Variants in CD58 observed in about 807,000 individuals in gnomAD.
CD58 encodes lymphocyte function-associated antigen 3.
In CD58, 14 loss-of-function variants were observed where a neutral mutation model predicts 27.6. The ratio of observed to expected loss-of-function variants is 0.51; its 90% CI spans 0.34 to 0.79. The LOEUF is 0.79. CD58 is among the 30% of genes least tolerant of loss of function. The pLI, the probability that CD58 is intolerant of heterozygous loss-of-function variation, is 0.02. For synonymous variants in CD58, 117 were observed against 103.8 expected, an observed-to-expected ratio of 1.13 and a Z score of -0.77; for missense variants, 268 against 301.7, an observed-to-expected ratio of 0.89 and a Z score of 0.83.
chr1:116,553,086 T>A (rs1658444163), intron 1 of CD58, among the ~76,000 whole-genome samples: 1 of 152,000 alleles, frequency 6.6e-6, no homozygotes, highest in African/African-American at 2.4e-5. Context: ...AATTTAAGCA[T>A]CTCTTCTGCT....
In CD58 at chr1:116,535,973, G is replaced by C; in HGVS notation, c.620C>G (p.Pro207Arg). 6.2e-7 allele frequency: 1 copy of C among 1,605,436 alleles called. No homozygotes were observed. Residue 207 changes from proline to arginine, a missense_variant, in exon 3 of 6, where the codon CCA becomes CGA. By Grantham distance (103) the Pro-to-Arg change is moderately radical. Coordinates refer to ENST00000369489, the MANE Select transcript of CD58 (RefSeq NM_001779.3). ...TTTAGTTATTTACTCACCGCTGCTTGGGATACAGGTTGTCAAAATGATTGA... is the reference window on the plus strand; with the variant it reads ...TTTAGTTATTTACTCACCGCTGCTTCGGATACAGGTTGTCAAAATGATTGA... ...TSSIILTTCI[P>R]SSGHSRHRYA...
At chr1:116,561,261 T>C (rs1367193974) in intron 1 of CD58, among the ~76,000 whole-genome samples, 1 of 152,144 alleles carries the variant, frequency 6.6e-6, no homozygotes, top group Non-Finnish European at 1.5e-5. Context: ...CAAAAAAACA[T>C]AGCAACGAAT....
At chr1:116,562,164 A>T (rs897198622) in intron 1 of CD58, among the ~76,000 whole-genome samples, 1 of 150,044 alleles carries the variant, frequency 6.7e-6, no homozygotes, top group Non-Finnish European at 1.5e-5. Context: ...CTTTACTATT[A>T]AAAAAAAACA....
Position 116,570,534 on chromosome 1 carries a change from G to A in CD58, c.70+369C>T, listed in dbSNP as rs2101245382. On this transcript the variant is annotated intron_variant, in intron 1 of 5. Transcript: ENST00000369489. This position sits in a 1 kb window ranked among gnomAD's most constrained non-coding sequence, Gnocchi z 6.4. ...CCGTCCCGGGCGCGTTCACGGCTGG[G>A]AAAAATTTTGCAGTCCGCTGAAGCG... Among the ~76,000 whole-genome samples the A allele has an allele frequency of 6.6e-6, 1 of 152,100 alleles. No individual in the cohort carries two copies. Among genetic ancestry groups the A allele is most frequent in the African/African-American group, 2.4e-5 (1 of 41,542 alleles).
intron 1 of CD58, among the ~76,000 whole-genome samples, chr1:116,568,948 G>A (rs955738974): frequency 1.3e-5 from 2 of 152,244 alleles, no homozygotes; most frequent in Non-Finnish European, 2.9e-5. Flanking sequence ...ATTCAGTCTT[G>A]TCTTTAGTTT....
In CD58 at chr1:116,524,423, C is replaced by T. The variant is rs1243624436; in HGVS notation, c.629-2440G>A. ...TTCTAGAACATTTCAATGGACAGAACCAGGAAATACACAATTTTCTAAGAG... is the reference window on the plus strand; with the variant it reads ...TTCTAGAACATTTCAATGGACAGAATCAGGAAATACACAATTTTCTAAGAG... On this transcript the variant is annotated intron_variant, in intron 3 of 5. Transcript: ENST00000369489. This position sits in a 1 kb window ranked among gnomAD's most constrained non-coding sequence, Gnocchi z 4.6. Among the ~76,000 whole-genome samples, 1 of 152,096 alleles carries T rather than the reference C, an allele frequency of 6.6e-6. No individual in the cohort carries two copies. Among genetic ancestry groups the T allele is most frequent in the East Asian group, 1.9e-4 (1 of 5,200 alleles).
Position 116,570,844 on chromosome 1 carries a change from C to G in CD58, c.70+59G>C. The G allele has an allele frequency of 7.2e-7, 1 of 1,398,222 alleles. No individual in the cohort carries two copies. The allele number at this position is 1,398,222 out of a possible 1,614,324, so 86.6% of individuals were successfully genotyped here. On this transcript the variant is annotated intron_variant, in intron 1 of 5. Coordinates refer to ENST00000369489, the MANE Select transcript of CD58 (RefSeq NM_001779.3). This position sits in a 1 kb window ranked among gnomAD's most constrained non-coding sequence, Gnocchi z 6.4. ...CTCGAGCCCGGCGCGTCCACCCAGC[C>G]TGGGTGCTGCCCAGTACCCGCCGGC...
At chr1:116,551,671 T>C (rs1261529559) in intron 1 of CD58, among the ~76,000 whole-genome samples, 1 of 152,150 alleles carries the variant, frequency 6.6e-6, no homozygotes, top group Non-Finnish European at 1.5e-5. Context: ...AATTCACAAC[T>C]TCACTAACTC....
intron 1 of CD58, among the ~76,000 whole-genome samples, chr1:116,562,187 GA>G (rs1234044154): frequency 2.6e-5 from 4 of 151,738 alleles, no homozygotes; most frequent in Non-Finnish European, 5.9e-5. Flanking sequence ...TCAATATAAG[GA>G]AAATTTTAAA....
chr1:116,553,755 T>C (rs1328160262), intron 1 of CD58, among the ~76,000 whole-genome samples: 1 of 152,204 alleles, frequency 6.6e-6, no homozygotes, highest in Non-Finnish European at 1.5e-5. Flanking sequence ...ACATTTCTAG[T>C]GGCTCCAATG....
chr1:116,522,603 C>G lies in CD58; in HGVS notation c.629-620G>C, dbSNP rs1657297395. Among the ~76,000 whole-genome samples the G allele has an allele frequency of 6.6e-6, 1 of 152,222 alleles. No individual in the cohort carries two copies. The highest frequency in any genetic ancestry group is 1.5e-5 in the Non-Finnish European group (1 of 68,044). On this transcript the variant is annotated intron_variant, in intron 3 of 5. Coordinates refer to ENST00000369489, the MANE Select transcript of CD58 (RefSeq NM_001779.3). The surrounding 1 kb of genome is among the most constrained non-coding windows in gnomAD (Gnocchi z 4.6). ...TTCCCCCAGGAACATTACTTCACTACTTGCTATTTCACTGTTAACTTGACT... is the reference window on the plus strand; with the variant it reads ...TTCCCCCAGGAACATTACTTCACTAGTTGCTATTTCACTGTTAACTTGACT...
rs1380283983 is a variant in CD58, at chr1:116,535,951, A to C, written c.628+14T>G. On this transcript the variant is annotated intron_variant, in intron 3 of 5. Transcript: ENST00000369489. ...GTCTGAAAGCCTCCATGACACATTT[A>C]GTTATTTACTCACCGCTGCTTGGGA... 1.3e-6 allele frequency: 2 copies of C among 1,582,996 alleles called. No homozygotes were observed. Among genetic ancestry groups the C allele is most frequent in the Non-Finnish European group, 1.7e-6 (2 of 1,161,262 alleles).
intron 2 of CD58, among the ~76,000 whole-genome samples, chr1:116,540,847 T>C (rs1164925838): frequency 6.6e-6 from 1 of 152,226 alleles, no homozygotes; most frequent in Non-Finnish European, 1.5e-5. Context: ...TCTTGGTCTG[T>C]CACCCAGACT....
chr1:116,531,858 C>G lies in CD58; in HGVS notation c.628+4107G>C, dbSNP rs1490753217. Among the ~76,000 whole-genome samples the G allele has an allele frequency of 2.6e-5, 4 of 152,218 alleles. No individual in the cohort carries two copies. The highest frequency in any genetic ancestry group is 5.9e-5 in the Non-Finnish European group (4 of 68,036). ...GTTCTAAGGTTAGGCTGAGCACTCT[C>G]TACAGGCCTGGTCAGCGCGGACAAG... On this transcript the variant is annotated intron_variant, in intron 3 of 5. Transcript: ENST00000369489. This position sits in a 1 kb window ranked among gnomAD's most constrained non-coding sequence, Gnocchi z 4.5.
At position 116,519,911 on chromosome 1, in the gene CD58, AGGCATC is replaced by A. The variant is rs902500837; in HGVS notation, c.707-650_707-645del. Among the ~76,000 whole-genome samples, 1 of 152,186 alleles carries A rather than the reference AGGCATC, an allele frequency of 6.6e-6. No homozygotes were observed. The highest frequency in any genetic ancestry group is 2.4e-5 in the African/African-American group (1 of 41,452). On this transcript the variant is annotated intron_variant, in intron 4 of 5. Coordinates refer to ENST00000369489, the MANE Select transcript of CD58 (RefSeq NM_001779.3). This position sits in a 1 kb window ranked among gnomAD's most constrained non-coding sequence, Gnocchi z 4.7. ...CATGCATCACTTTCCTGCCCACAGTAGGCATCCGCCTGACCCTAGAACTATGCTAGT... is the reference window on the plus strand; with the variant it reads ...CATGCATCACTTTCCTGCCCACAGTACGCCTGACCCTAGAACTATGCTAGT...
chr1:116,548,374 A>G (rs981798526), intron 1 of CD58, among the ~76,000 whole-genome samples: 2 of 152,148 alleles, frequency 1.3e-5, no homozygotes, highest in Non-Finnish European at 2.9e-5. Flanking sequence ...CTTTTGCCTA[A>G]GCCAAAGTCT....
At chr1:116,564,136 T>C (rs558542854) in intron 1 of CD58, among the ~76,000 whole-genome samples, 1 of 152,344 alleles carries the variant, frequency 6.6e-6, no homozygotes, top group East Asian at 1.9e-4. Flanking sequence ...CCCTAAATAA[T>C]TTCTCTCAAG....
chr1:116,519,229 A>C lies in CD58; in HGVS notation c.743+2T>G. 1.2e-6 allele frequency: 2 copies of C among 1,612,854 alleles called. No individual in the cohort carries two copies. The highest frequency in any genetic ancestry group is 2.2e-5 in the East Asian group (1 of 44,886). ...AGAGTGCACAGCCTGCAGTGTACTTACTTGGTTCTGTCTGGTTTTCTGTCA... is the reference window on the plus strand; with the variant it reads ...AGAGTGCACAGCCTGCAGTGTACTTCCTTGGTTCTGTCTGGTTTTCTGTCA... On this transcript the variant is annotated splice_donor_variant, in intron 5 of 5. Transcript: ENST00000369489. LOFTEE classifies it high-confidence loss of function. This position sits in a 1 kb window ranked among gnomAD's most constrained non-coding sequence, Gnocchi z 4.7.
intron 1 of CD58, among the ~76,000 whole-genome samples, chr1:116,547,748 C>T (rs1319415128): frequency 6.6e-6 from 1 of 152,048 alleles, no homozygotes; most frequent in Non-Finnish European, 1.5e-5. Context: ...CGAGTTGTGC[C>T]ACTATAAAGA....
Sources: allele counts gnomAD v4.1 joint callset (sites outside exome capture counted in the v4.1 genomes callset), GRCh38; gene constraint gnomAD v4.1.1; non-coding constraint Gnocchi (gnomAD v3.1); transcripts MANE v1.5; gene names NCBI Gene and HGNC (gene_info 2026-07-23, HGNC 2026-07-21).